Variants in CTNNA1 observed in about 807,000 individuals in gnomAD.
CTNNA1 encodes catenin alpha 1.
A neutral mutation model predicts 98.4 loss-of-function variants in CTNNA1; 37 were observed. The observed-to-expected ratio is 0.38, with a 90% CI of 0.29 to 0.49. The LOEUF is 0.49. CTNNA1 is among the 20% of genes least tolerant of loss of function. CTNNA1 has a pLI of 0.95. For synonymous variants in CTNNA1, 404 were observed against 413.2 expected (o/e 0.98, Z 0.27); for missense variants, 761 against 1,147.2 (o/e 0.66, Z 4.86).
At chr5:138,829,415 G>T (rs150628294) in intron 7 of CTNNA1, among the ~76,000 whole-genome samples, 1 of 152,314 alleles carries the variant, frequency 6.6e-6, no homozygotes, top group Non-Finnish European at 1.5e-5. Context: ...ATGTAGTTAT[G>T]ATGAGGAAAT....
chr5:138,878,583 T>G (rs553073097), intron 7 of CTNNA1, among the ~76,000 whole-genome samples: 2 of 152,182 alleles, frequency 1.3e-5, no homozygotes, highest in Non-Finnish European at 2.9e-5. Flanking sequence ...TTAAGCAAAT[T>G]AACTGAGTCA....
chr5:138,756,107 C>T (rs868202002), intron 1 of CTNNA1, among the ~76,000 whole-genome samples: 6 of 151,746 alleles, frequency 4.0e-5, no homozygotes, highest in Non-Finnish European at 5.9e-5. Flanking sequence ...GGCATAATTG[C>T]GGCTCACTGC....
At position 138,825,775 on chromosome 5, in the gene CTNNA1, A is replaced by G. The variant is rs115458845; in HGVS notation, c.858+976A>G. Among the ~76,000 whole-genome samples the G allele has an allele frequency of 3.1e-3, 470 of 152,244 alleles. 3 individuals are homozygous for G. Among genetic ancestry groups the G allele is most frequent in the African/African-American group, 0.011 (451 of 41,540 alleles). On this transcript the variant is annotated intron_variant, in intron 6 of 17. Coordinates refer to ENST00000302763, the MANE Select transcript of CTNNA1 (RefSeq NM_001903.5). The stretch of plus-strand genomic sequence containing the variant: ...TTCATAAAGCAAGAAGGCAGTGTTA[A>G]GTCTAAAGACCATGGTGTTAGAACT...
At chr5:138,823,986 A>AAAAAAAAC (rs1760359100) in intron 5 of CTNNA1, among the ~76,000 whole-genome samples, 1 of 134,634 alleles carries the variant, frequency 7.4e-6, no homozygotes, top group Non-Finnish European at 1.6e-5. Context: ...AAAAAAAAAA[A>AAAAAAAAC]TTATGTAACT....
chr5:138,830,126 C>T (rs1356857366), intron 7 of CTNNA1, among the ~76,000 whole-genome samples: 2 of 151,408 alleles, frequency 1.3e-5, no homozygotes, highest in Admixed American at 6.6e-5. Flanking sequence ...AAGATCACGC[C>T]ACTGCACTCC....
chr5:138,904,080 A>G (rs1758649568), intron 9 of CTNNA1, among the ~76,000 whole-genome samples: 2 of 152,252 alleles, frequency 1.3e-5, no homozygotes, highest in Non-Finnish European at 2.9e-5. Context: ...GTTAGAGGCC[A>G]TGCAAAGCAT....
At chr5:138,766,554 G>A (rs1177764120) in intron 1 of CTNNA1, among the ~76,000 whole-genome samples, 2 of 151,310 alleles carry the variant, frequency 1.3e-5, no homozygotes, top group African/African-American at 4.9e-5. Context: ...CTCAACCAGA[G>A]ATAACAGAGC....
intron 4 of CTNNA1, among the ~76,000 whole-genome samples, chr5:138,810,784 C>T (rs1456979930): frequency 3.3e-5 from 5 of 152,232 alleles, no homozygotes; most frequent in Non-Finnish European, 5.9e-5. Context: ...CATCATGGCC[C>T]GTTCTCAATG....
rs959690356 is a variant in CTNNA1 at position 138,886,209 on chromosome 5, C to T, written c.1063-3C>T. 6.2e-7 allele frequency: 1 copy of T among 1,606,182 alleles called. No individual in the cohort carries two copies. The highest frequency in any genetic ancestry group is 8.5e-7 in the Non-Finnish European group (1 of 1,177,296). On this transcript the variant is annotated splice_polypyrimidine_tract_variant and splice_region_variant and intron_variant, in intron 7 of 17. Coordinates refer to ENST00000302763, the MANE Select transcript of CTNNA1 (RefSeq NM_001903.5). ...AATGCTCATCTCTTTTCCTTTTATC[C>T]AGGCTGGACGTAAAGAAAGAAGTGA...
intron 1 of CTNNA1, among the ~76,000 whole-genome samples, chr5:138,762,862 T>C (rs700622): frequency 0.74 from 112,664 of 151,872 alleles, 42,056 homozygotes; most frequent in East Asian, 0.99. Flanking sequence ...ATGTAATTTT[T>C]GTCTCTAAGA....
chr5:138,856,628 C>T lies in CTNNA1; in HGVS notation c.1062+28910C>T, dbSNP rs369040421. Among the ~76,000 whole-genome samples, 14 of 152,306 alleles carry T rather than the reference C, an allele frequency of 9.2e-5. No individual in the cohort carries two copies. In the East Asian group the frequency reaches 2.5e-3, roughly 27 times the overall value. ...AAGGGCTGGTATTACAGACAGGAGCCACTGTGCCTGGCCTGCATTTCTGTT... is the reference window on the plus strand; with the variant it reads ...AAGGGCTGGTATTACAGACAGGAGCTACTGTGCCTGGCCTGCATTTCTGTT... On this transcript the variant is annotated intron_variant, in intron 7 of 17. Coordinates refer to ENST00000302763, the MANE Select transcript of CTNNA1 (RefSeq NM_001903.5).
chr5:138,771,111 GA>G (rs1364006897), intron 1 of CTNNA1, among the ~76,000 whole-genome samples: 2 of 151,988 alleles, frequency 1.3e-5, no homozygotes, highest in Non-Finnish European at 2.9e-5. Context: ...AAGGCTTCAT[GA>G]AGGCAGGGTT....
chr5:138,778,283 C>T (rs548343368), intron 1 of CTNNA1, among the ~76,000 whole-genome samples: 3 of 152,220 alleles, frequency 2.0e-5, no homozygotes, highest in Admixed American at 6.5e-5. Context: ...CGTGAGCCTC[C>T]GCGCCCGGCT....
intron 11 of CTNNA1, among the ~76,000 whole-genome samples, chr5:138,920,456 G>A (rs545416934): frequency 7.2e-5 from 11 of 152,220 alleles, no homozygotes; most frequent in Non-Finnish European, 7.3e-5. Flanking sequence ...AAAGCATAGC[G>A]GTGCTTTGGT....
intron 9 of CTNNA1, among the ~76,000 whole-genome samples, chr5:138,898,534 C>T (rs1757387008): frequency 6.6e-6 from 1 of 150,720 alleles, no homozygotes; most frequent in Non-Finnish European, 1.5e-5. Flanking sequence ...GAAATGATTA[C>T]AAGATCATCT....
At chr5:138,760,323 T>C (rs1752208365) in intron 1 of CTNNA1, among the ~76,000 whole-genome samples, 1 of 151,552 alleles carries the variant, frequency 6.6e-6, no homozygotes, top group South Asian at 2.1e-4. Context: ...GGCTGAATAA[T>C]GTTCCATTTA....
At chr5:138,926,332 C>A (rs1417457347) in intron 13 of CTNNA1, among the ~76,000 whole-genome samples, 1 of 152,254 alleles carries the variant, frequency 6.6e-6, no homozygotes, top group Non-Finnish European at 1.5e-5. Context: ...GCTGTTTCCT[C>A]ACACCTGCCT....
chr5:138,814,174 T>C (rs1759160679), intron 5 of CTNNA1, among the ~76,000 whole-genome samples: 1 of 152,196 alleles, frequency 6.6e-6, no homozygotes, highest in African/African-American at 2.4e-5. Flanking sequence ...ATCCTGGTTT[T>C]GCATTTCTAG....
chr5:138,827,992 A>G, intron 7 of CTNNA1: 1 of 438,054 alleles, frequency 2.3e-6, no homozygotes, highest in Non-Finnish European at 4.2e-6. Context: ...ATACATGTGT[A>G]GGTGTGTGTA....
Sources: allele counts gnomAD v4.1 joint callset (sites outside exome capture counted in the v4.1 genomes callset), GRCh38; gene constraint gnomAD v4.1.1; transcripts MANE v1.5; gene names NCBI Gene and HGNC (gene_info 2026-07-23, HGNC 2026-07-21).